AGBL4: variants seen among roughly 807,000 people sequenced by gnomAD.
AGBL4 encodes AGBL carboxypeptidase 4, also known as cytosolic carboxypeptidase 6.
In AGBL4, 58 loss-of-function variants were observed where a neutral mutation model predicts 66.4. The observed-to-expected ratio is 0.87, with a 90% CI of 0.71 to 1.09. The LOEUF is 1.09. Ranked by LOEUF, AGBL4 falls within the 50% of genes least tolerant of loss-of-function variation. AGBL4 has a pLI of 0.00. For synonymous variants in AGBL4, 234 were observed against 222.9 expected (o/e 1.05, Z -0.44); for missense variants, 579 against 631.0 (o/e 0.92, Z 0.88).
At chr1:49,141,303 C>T (rs569524734) in intron 4 of AGBL4, among the ~76,000 whole-genome samples, 2 of 152,048 alleles carry the variant, frequency 1.3e-5, no homozygotes, top group South Asian at 2.1e-4. Context: ...TGACCATGGA[C>T]TCTGGAACCA....
intron 11 of AGBL4, among the ~76,000 whole-genome samples, chr1:48,576,132 G>A (rs558016448): frequency 1.4e-4 from 22 of 152,312 alleles, no homozygotes; most frequent in African/African-American, 4.8e-4. Context: ...AGGCTGCACC[G>A]CAGGAGGTGA....
In AGBL4 at chr1:49,162,436, A is replaced by C. The variant is rs533150981; in HGVS notation, c.377+83334T>G. Among the ~76,000 whole-genome samples the C allele has an allele frequency of 4.6e-5, 7 of 152,358 alleles. 1 individual carries two copies. In the South Asian group the frequency reaches 1.4e-3, roughly 32 times the overall value. Reference sequence around the variant, plus strand: ...AGTCATACTCAGTAAATGTCTGATAAATGAATAAATGAACAAATGAATAAA... The same window carrying C: ...AGTCATACTCAGTAAATGTCTGATACATGAATAAATGAACAAATGAATAAA... On this transcript the variant is annotated intron_variant, in intron 4 of 13. Transcript: ENST00000371839.
intron 2 of AGBL4, among the ~76,000 whole-genome samples, chr1:49,809,252 A>G (rs1318942560): frequency 6.6e-6 from 1 of 151,530 alleles, no homozygotes; most frequent in Non-Finnish European, 1.5e-5. Flanking sequence ...GGTGTGCTGC[A>G]CCCATTAACT....
chr1:49,752,070 C>A (rs949606015), intron 2 of AGBL4, among the ~76,000 whole-genome samples: 14 of 151,706 alleles, frequency 9.2e-5, no homozygotes, highest in Admixed American at 7.9e-4. Context: ...GTGTCTCTAT[C>A]CCCTTCAGTT....
At chr1:49,488,289 T>A (rs1330204527) in intron 3 of AGBL4, among the ~76,000 whole-genome samples, 1 of 151,678 alleles carries the variant, frequency 6.6e-6, no homozygotes, top group African/African-American at 2.4e-5. Context: ...TTTGTCCACA[T>A]ATTTTTGTAT....
intron 3 of AGBL4, among the ~76,000 whole-genome samples, chr1:49,530,275 A>AC (rs1325640995): frequency 3.5e-5 from 5 of 141,336 alleles, no homozygotes; most frequent in Admixed American, 3.5e-4. Context: ...AAAAAAAACA[A>AC]AAAAAAACTC....
chr1:49,771,586 C>A (rs1050364395), intron 2 of AGBL4, among the ~76,000 whole-genome samples: 2 of 151,980 alleles, frequency 1.3e-5, no homozygotes, highest in Non-Finnish European at 2.9e-5. Context: ...TTGTTAAAAG[C>A]GGGTTATTAA....
At chr1:49,420,772 G>T (rs1347229505) in intron 3 of AGBL4, among the ~76,000 whole-genome samples, 2 of 151,744 alleles carry the variant, frequency 1.3e-5, no homozygotes, top group Non-Finnish European at 2.9e-5. Context: ...TTACTATCAA[G>T]AATAACTGTA....
At chr1:49,511,551 T>C (rs1014838211) in intron 3 of AGBL4, among the ~76,000 whole-genome samples, 1 of 151,226 alleles carries the variant, frequency 6.6e-6, no homozygotes, top group Non-Finnish European at 1.5e-5. Flanking sequence ...CACATGTATA[T>C]GTATGTAACT....
chr1:49,709,836 G>GA (rs1177647917), intron 2 of AGBL4, among the ~76,000 whole-genome samples: 4 of 152,076 alleles, frequency 2.6e-5, no homozygotes, highest in Non-Finnish European at 5.9e-5. Flanking sequence ...ACAAACATAT[G>GA]AAAAAAAGCT....
At chr1:49,703,946 TA>T (rs140743804) in intron 2 of AGBL4, among the ~76,000 whole-genome samples, 4 of 152,004 alleles carry the variant, frequency 2.6e-5, no homozygotes, top group African/African-American at 9.6e-5. Context: ...AGCAAAAAAT[TA>T]AAAATAAAAT....
At chr1:48,599,889 T>C (rs1028928758) in intron 9 of AGBL4, among the ~76,000 whole-genome samples, 6 of 152,244 alleles carry the variant, frequency 3.9e-5, no homozygotes, top group Non-Finnish European at 7.4e-5. Flanking sequence ...GGAATCATTA[T>C]CATTGAGGTG....
intron 1 of AGBL4, among the ~76,000 whole-genome samples, chr1:49,990,834 G>A (rs76174133): frequency 0.021 from 3,264 of 152,192 alleles, 129 homozygotes; most frequent in African/African-American, 0.074. Context: ...AATCTGTAGC[G>A]TGTAGGATAT....
chr1:48,546,896 CACAT>C (rs1553185412), intron 11 of AGBL4, among the ~76,000 whole-genome samples: 33 of 151,212 alleles, frequency 2.2e-4, no homozygotes, highest in East Asian at 3.9e-4. Context: ...CACACACACA[CACAT>C]ACATAATAGC....
chr1:49,368,649 T>C (rs1055474287), intron 3 of AGBL4, among the ~76,000 whole-genome samples: 3 of 152,186 alleles, frequency 2.0e-5, no homozygotes, highest in Admixed American at 6.5e-5. Context: ...CTGGAATACA[T>C]TCCTGGCTCT....
chr1:49,140,329 T>A (rs1189388570), intron 4 of AGBL4, among the ~76,000 whole-genome samples: 1 of 152,200 alleles, frequency 6.6e-6, no homozygotes, highest in African/African-American at 2.4e-5. Context: ...GCCCTCAAGA[T>A]ATGTAAAATT....
At position 50,014,364 on chromosome 1, in the gene AGBL4, C is replaced by T. The variant is rs1232316266; in HGVS notation, c.34+9399G>A. Among the ~76,000 whole-genome samples, 4 of 149,214 alleles carry T rather than the reference C, an allele frequency of 2.7e-5. No individual in the cohort carries two copies. The East Asian group carries it at 7.9e-4, about 29-fold the overall frequency. Reference sequence around the variant, plus strand: ...CCAGCCTGGCCAAGTGGGACTTTGTCTCGAAAAAAAAAAAAGATAAAGAAA... The same window carrying T: ...CCAGCCTGGCCAAGTGGGACTTTGTTTCGAAAAAAAAAAAAGATAAAGAAA... On this transcript the variant is annotated intron_variant, in intron 1 of 13. Coordinates refer to ENST00000371839, the MANE Select transcript of AGBL4 (RefSeq NM_032785.4).
chr1:49,282,673 G>A lies in AGBL4; in HGVS notation c.283-36809C>T, dbSNP rs564215615. Among the ~76,000 whole-genome samples, 516 of 152,332 alleles carry A rather than the reference G, an allele frequency of 3.4e-3. 5 individuals are homozygous for A. The highest frequency in any genetic ancestry group is 0.012 in the African/African-American group (496 of 41,576). On this transcript the variant is annotated intron_variant, in intron 3 of 13. Transcript: ENST00000371839. ...AGGTCAGTAGGTGCTCGCACCGTGC[G>A]CGAGCCAAAGCAGGGCGAGGCATTG...
At chr1:49,959,284 CT>C (rs1348415580) in intron 1 of AGBL4, among the ~76,000 whole-genome samples, 1 of 151,870 alleles carries the variant, frequency 6.6e-6, no homozygotes, top group Non-Finnish European at 1.5e-5. Flanking sequence ...CATTATGAGC[CT>C]TTTGAAAAGT....
Sources: gnomAD v4.1 joint callset for allele counts (sites outside exome capture counted in the v4.1 genomes callset) on GRCh38, gnomAD v4.1.1 for gene constraint, MANE v1.5 for transcripts, NCBI Gene and HGNC (gene_info 2026-07-23, HGNC 2026-07-21) for gene names.